SEMA3A: variants seen among roughly 807,000 people sequenced by gnomAD.
SEMA3A encodes the protein semaphorin-3A.
A neutral mutation model predicts 97.9 loss-of-function variants in SEMA3A; 29 were observed. The ratio of observed to expected loss-of-function variants is 0.30; its 90% CI spans 0.22 to 0.40. The LOEUF (loss-of-function observed/expected upper bound fraction) is 0.40. Among genes scored for constraint, SEMA3A ranks in the 10% least tolerant of loss-of-function variants. The pLI, the probability that SEMA3A is intolerant of heterozygous loss-of-function variation, is 1.00. For missense variants in SEMA3A, 763 were observed against 951.3 expected, an observed-to-expected ratio of 0.80 and a Z score of 2.60; for synonymous variants, 321 against 323.7, an observed-to-expected ratio of 0.99 and a Z score of 0.09.
intron 6 of SEMA3A, 65 bp from the exon 7 acceptor site, chr7:84,014,416 T>C: frequency 1.5e-6 from 2 of 1,321,360 alleles, no homozygotes; most frequent in East Asian, 4.9e-5. Context: ...TTCTGAACAG[T>C]CCATTTTTAC....
chr7:83,995,289 T>G (rs559712143), intron 12 of SEMA3A, among the ~76,000 whole-genome samples: 51 of 152,206 alleles, frequency 3.4e-4, no homozygotes, highest in African/African-American at 1.1e-3. Flanking sequence ...CGTCGCTCAC[T>G]CTGGGAGCTG....
intron 3 of SEMA3A, among the ~76,000 whole-genome samples, chr7:84,283,192 A>G (rs1282093812): frequency 1.3e-5 from 2 of 152,100 alleles, no homozygotes; most frequent in Non-Finnish European, 2.9e-5. Flanking sequence ...TTACTGGAAC[A>G]CTTAAATCTT....
chr7:83,966,485 C>T (rs1788697531), intron 15 of SEMA3A, among the ~76,000 whole-genome samples: 1 of 152,120 alleles, frequency 6.6e-6, no homozygotes, highest in Admixed American at 6.6e-5. Context: ...GCCAGTACCT[C>T]AAAGTCTCAT....
chr7:84,278,188 T>C (rs566628749), intron 3 of SEMA3A, among the ~76,000 whole-genome samples: 2 of 152,212 alleles, frequency 1.3e-5, no homozygotes, highest in East Asian at 3.9e-4. Flanking sequence ...AGGGGTACAA[T>C]ACAGCCAAGT....
chr7:84,010,118 T>G (rs986147947), intron 9 of SEMA3A, among the ~76,000 whole-genome samples: 3 of 151,962 alleles, frequency 2.0e-5, no homozygotes, highest in Non-Finnish European at 2.9e-5. Flanking sequence ...GGTTACAAGG[T>G]AGATAATAAA....
intron 1 of SEMA3A, among the ~76,000 whole-genome samples, chr7:84,167,185 AG>A (rs1308111066): frequency 6.6e-6 from 1 of 152,148 alleles, no homozygotes; most frequent in Non-Finnish European, 1.5e-5. Flanking sequence ...ATTGAACCCT[AG>A]AAAGGTCACA....
chr7:84,019,278 T>TGAAG (rs1791228042), intron 6 of SEMA3A, among the ~76,000 whole-genome samples: 1 of 151,904 alleles, frequency 6.6e-6, no homozygotes, highest in African/African-American at 2.4e-5. Context: ...GAGAGCCTTG[T>TGAAG]GAAGACCCAA....
chr7:84,146,267 A>C (rs1187451497), intron 1 of SEMA3A, among the ~76,000 whole-genome samples: 1 of 152,180 alleles, frequency 6.6e-6, no homozygotes, highest in African/African-American at 2.4e-5. Context: ...CTAGATAATC[A>C]ATCATTAAAT....
At chr7:84,313,047 G>A (rs1801384166) in intron 2 of SEMA3A, among the ~76,000 whole-genome samples, 1 of 142,632 alleles carries the variant, frequency 7.0e-6, no homozygotes, top group African/African-American at 2.6e-5. Context: ...ATATATAAGT[G>A]TATATATATG....
At chr7:83,991,328 T>G (rs1269233940) in intron 12 of SEMA3A, among the ~76,000 whole-genome samples, 1 of 151,960 alleles carries the variant, frequency 6.6e-6, no homozygotes, top group Non-Finnish European at 1.5e-5. Flanking sequence ...TCCTGCCTAA[T>G]TGCCCTGGCC....
At chr7:84,107,900 G>T (rs543184985) in intron 4 of SEMA3A, among the ~76,000 whole-genome samples, 1 of 152,252 alleles carries the variant, frequency 6.6e-6, no homozygotes, top group Admixed American at 6.5e-5. Flanking sequence ...TCACCCGGCA[G>T]CCATGAGAAC....
At chr7:84,211,227 G>A (rs999228622) in intron 3 of SEMA3A, among the ~76,000 whole-genome samples, 2 of 152,182 alleles carry the variant, frequency 1.3e-5, no homozygotes, top group Admixed American at 1.3e-4. Context: ...AATATGAAGA[G>A]AGAAGGCACA....
intron 3 of SEMA3A, among the ~76,000 whole-genome samples, chr7:84,241,485 C>T (rs187911711): frequency 6.6e-6 from 1 of 152,082 alleles, no homozygotes. Flanking sequence ...GTTTAAGTTC[C>T]TTGTAGATTC....
intron 1 of SEMA3A, among the ~76,000 whole-genome samples, chr7:84,184,303 C>T (rs1240305182): frequency 6.6e-6 from 1 of 152,086 alleles, no homozygotes; most frequent in Non-Finnish European, 1.5e-5. Flanking sequence ...GCAAAGGAAA[C>T]CGTAATCCTG....
chr7:84,419,759 A>C (rs2116275159), intron 1 of SEMA3A, among the ~76,000 whole-genome samples: 1 of 152,230 alleles, frequency 6.6e-6, no homozygotes, highest in East Asian at 1.9e-4. Flanking sequence ...GCAATAACTA[A>C]ATTGAAAATT....
At chr7:84,067,085 C>A (rs573875565) in intron 4 of SEMA3A, among the ~76,000 whole-genome samples, 2 of 152,008 alleles carry the variant, frequency 1.3e-5, no homozygotes, top group African/African-American at 2.4e-5. Flanking sequence ...TATAGATCAA[C>A]GGAAGAGAAC....
chr7:84,055,576 G>A (rs1158805595), intron 5 of SEMA3A, among the ~76,000 whole-genome samples: 3 of 152,128 alleles, frequency 2.0e-5, no homozygotes, highest in East Asian at 1.9e-4. Context: ...TGCACGGTGC[G>A]CGCACCCACT....
chr7:84,420,897 T>C (rs1362070680), intron 1 of SEMA3A, among the ~76,000 whole-genome samples: 3 of 152,054 alleles, frequency 2.0e-5, no homozygotes, highest in Admixed American at 2.0e-4. Flanking sequence ...TTTATTGGTC[T>C]GGCTATCCAT....
chr7:84,285,409 C>T (rs546060313), intron 3 of SEMA3A, among the ~76,000 whole-genome samples: 23 of 151,972 alleles, frequency 1.5e-4, no homozygotes, highest in African/African-American at 4.6e-4. Flanking sequence ...AGCATCCATG[C>T]GAAATTTAAT....
Sources: gnomAD v4.1 joint callset for allele counts (sites outside exome capture counted in the v4.1 genomes callset) on GRCh38, gnomAD v4.1.1 for gene constraint, MANE v1.5 for transcripts, NCBI Gene and HGNC (gene_info 2026-07-23, HGNC 2026-07-21) for gene names.